The following ZNF839 variants were observed in gnomAD, a reference collection of about 807,000 sequenced individuals.
The protein encoded by ZNF839 is renal carcinoma antigen NY-REN-50.
A neutral mutation model predicts 56.4 loss-of-function variants in ZNF839; 38 were observed. That is an observed-to-expected ratio of 0.67 (90% CI 0.52 to 0.88). The LOEUF is 0.88. Ranked by LOEUF, ZNF839 falls within the 40% of genes least tolerant of loss-of-function variation. ZNF839 has a pLI of 0.00. For synonymous variants in ZNF839, 486 were observed against 493.5 expected (o/e 0.98, Z 0.20); for missense variants, 1,091 against 1,177.6 (o/e 0.93, Z 1.08).
At chr14:102,335,384 A>C in intron 4 of ZNF839, 2 of 284,254 alleles carry the variant, frequency 7.0e-6, no homozygotes, top group Non-Finnish European at 1.3e-5. Flanking sequence ...TCTGGAGCTG[A>C]CAGTCCAGCC....
intron 2 of ZNF839, among the ~76,000 whole-genome samples, chr14:102,330,183 C>T (rs941639625): frequency 6.6e-6 from 1 of 151,856 alleles, no homozygotes; most frequent in African/African-American, 2.4e-5. Flanking sequence ...TCATGTTGTT[C>T]AGTGTTGTAG....
intron 1 of ZNF839, among the ~76,000 whole-genome samples, chr14:102,322,580 T>C (rs1225179323): frequency 2.6e-5 from 4 of 152,218 alleles, no homozygotes; most frequent in Non-Finnish European, 5.9e-5. Flanking sequence ...TGTTTTTGTT[T>C]TGGGGTTTTG....
At chr14:102,340,952 C>A (rs1886439141) in intron 7 of ZNF839, 1 of 156,436 alleles carries the variant, frequency 6.4e-6, no homozygotes. Flanking sequence ...TGCCTGTAAT[C>A]CCAGCTATCA....
chr14:102,340,551 C>T (rs529603506), intron 7 of ZNF839, among the ~76,000 whole-genome samples: 22 of 152,224 alleles, frequency 1.4e-4, no homozygotes, highest in South Asian at 1.2e-3. Flanking sequence ...GGATTACAGG[C>T]GTGAGCAGCC....
At chr14:102,334,840 T>G (rs1202700914) in intron 4 of ZNF839, 194 bp downstream of exon 4, 1 of 239,298 alleles carries the variant, frequency 4.2e-6, no homozygotes, top group African/African-American at 2.3e-5. Flanking sequence ...ACTGCTGGTC[T>G]CTAGCAATCC....
Position 102,326,222 on chromosome 14 carries a change from G to A in ZNF839, c.526G>A (p.Gly176Arg). ...LSDLCQPPAQ[G>R]FVQRPLPALQ... is the part of the protein sequence containing the mutation. ...TGACTTATGCCAACCTCCTGCTCAG[G>A]GGTTTGTACAGAGACCACTGCCAGC... Residue 176 changes from glycine (G) to arginine (R), a missense_variant, in exon 2 of 8, where the codon GGG becomes AGG. Transcript: ENST00000442396. This position sits in a 1 kb window ranked among gnomAD's most constrained non-coding sequence, Gnocchi z 4.3. The A allele has an allele frequency of 6.2e-7, 1 of 1,613,898 alleles. No individual in the cohort carries two copies. The highest frequency in any genetic ancestry group is 8.5e-7 in the Non-Finnish European group (1 of 1,179,866).
chr14:102,319,179 T>TC (rs2072992619), upstream of ZNF839: 3 of 152,376 alleles, frequency 2.0e-5, no homozygotes, highest in South Asian at 6.2e-4. This position sits in a 1 kb window ranked among gnomAD's most constrained non-coding sequence, Gnocchi z 4.5. Flanking sequence ...GCGTGCGTTG[T>TC]GTTCTGGGCA....
intron 1 of ZNF839, among the ~76,000 whole-genome samples, chr14:102,320,805 T>C (rs2073088155): frequency 6.6e-6 from 1 of 152,184 alleles, no homozygotes; most frequent in South Asian, 2.1e-4. Context: ...AGGGGGGTGA[T>C]AACTAGAAGA....
chr14:102,337,891 G>A (rs560474509), intron 5 of ZNF839, among the ~76,000 whole-genome samples: 9 of 152,260 alleles, frequency 5.9e-5, no homozygotes, highest in Middle Eastern at 3.4e-3. Flanking sequence ...TGGTGTTTAC[G>A]TAGGCATTGC....
chr14:102,328,619 CTA>C (rs1402346184), intron 2 of ZNF839, among the ~76,000 whole-genome samples: 1 of 151,766 alleles, frequency 6.6e-6, no homozygotes, highest in Non-Finnish European at 1.5e-5. Context: ...AACAAAAAAA[CTA>C]AAACTCTGTC....
At chr14:102,325,773 G>C (rs1171704692) in intron 1 of ZNF839, among the ~76,000 whole-genome samples, 2 of 152,178 alleles carry the variant, frequency 1.3e-5, no homozygotes, top group East Asian at 3.9e-4. Context: ...GGGATTACAA[G>C]TGTGAGCCAC....
intron 4 of ZNF839, 158 bp from the exon 5 acceptor site, chr14:102,335,531 G>C (rs1006132339): frequency 2.9e-6 from 2 of 694,446 alleles, no homozygotes; most frequent in African/African-American, 3.6e-5. Flanking sequence ...GCACCATGCG[G>C]GGCACACAGT....
Position 102,326,273 on chromosome 14 carries a change from G to A in ZNF839, c.577G>A (p.Val193Ile), listed in dbSNP as rs2073402499. 3 of 1,613,612 alleles carry A rather than the reference G, an allele frequency of 1.9e-6. No individual in the cohort carries two copies. Among genetic ancestry groups the A allele is most frequent in the African/African-American group, 1.3e-5 (1 of 74,904 alleles). The change falls in exon 2 of 8, where the codon GTC becomes ATC. Residue 193 changes from valine to isoleucine, a missense_variant. Coordinates refer to ENST00000442396, the MANE Select transcript of ZNF839 (RefSeq NM_018335.6). The surrounding 1 kb of genome is among the most constrained non-coding windows in gnomAD (Gnocchi z 4.3). ...PALQVVPAKR[V>I]PAPKAPDEQG... ...CCTCCAGGTGGTCCCTGCAAAGAGA[G>A]TCCCAGCCCCCAAGGCTCCAGATGA...
At chr14:102,318,562 G>A (rs1343470416), upstream of ZNF839, among the ~76,000 whole-genome samples, 1 of 151,694 alleles carries the variant, frequency 6.6e-6, no homozygotes, top group East Asian at 1.9e-4. Flanking sequence ...GAACCCAGGC[G>A]ATGGAGGTTG....
chr14:102,340,110 T>C (rs1886343305), intron 7 of ZNF839, among the ~76,000 whole-genome samples: 1 of 151,300 alleles, frequency 6.6e-6, no homozygotes, highest in Admixed American at 6.6e-5. Flanking sequence ...GTAGCTGGGA[T>C]TACAGGCACC....
At position 102,342,054 on chromosome 14, in the gene ZNF839, A is replaced by C. The variant is rs201197821; in HGVS notation, c.2659A>C (p.Lys887Gln). 1.4e-4 allele frequency: 218 copies of C among 1,614,028 alleles called. No homozygotes were observed. In the Admixed American group the frequency reaches 3.6e-3, roughly 26 times the overall value. ...GSHELLSQGQ[K>Q]QIFIQTSDGL... ...CCATGAGTTACTGTCTCAGGGACAGAAGCAGATTTTTATTCAGACTTCCGA... is the reference window on the plus strand; with the variant it reads ...CCATGAGTTACTGTCTCAGGGACAGCAGCAGATTTTTATTCAGACTTCCGA... Residue 887 changes from lysine to glutamine, a missense_variant, in exon 8 of 8, where the codon AAG becomes CAG. Lys to Gln is a moderately conservative substitution (Grantham distance 53). This residue lies in a region of ZNF839 where 431 missense variants were observed against 468.0 expected (regional missense o/e 0.92). Transcript: ENST00000442396.
Position 102,342,113 on chromosome 14 carries a change from G to A in ZNF839, c.2718G>A (p.Val906=). The A allele has an allele frequency of 6.2e-7, 1 of 1,613,960 alleles. No individual in the cohort carries two copies. Among genetic ancestry groups the A allele is most frequent in the African/African-American group, 1.3e-5 (1 of 75,040 alleles). ...TCTTGTCCCCTCCAGGTACAATAGT[G>A]TCTCAGGAGGAGGACATTGTCACAG... ...GLILSPPGTI[V]SQEEDIVTVT... is the part of the protein sequence containing the mutation. The change falls in exon 8 of 8, where the codon GTG becomes GTA. Residue 906 remains valine, a synonymous_variant. Coordinates refer to ENST00000442396, the MANE Select transcript of ZNF839 (RefSeq NM_018335.6).
chr14:102,337,377 C>T (rs1354466394), intron 5 of ZNF839: 1 of 152,092 alleles, frequency 6.6e-6, no homozygotes, highest in African/African-American at 2.4e-5. Context: ...CCGTATTGGC[C>T]AGGCTGGTCT....
chr14:102,336,798 A>G (rs1266736752), intron 5 of ZNF839: 4 of 285,120 alleles, frequency 1.4e-5, no homozygotes, highest in Non-Finnish European at 2.7e-5. Flanking sequence ...CAGTGGCACA[A>G]TCACAGCTCA....
Sources: gnomAD v4.1 joint callset for allele counts (sites outside exome capture counted in the v4.1 genomes callset) on GRCh38, gnomAD v4.1.1 for gene constraint, gnomAD v4.1.1 regional missense constraint, Gnocchi (gnomAD v3.1) non-coding constraint, MANE v1.5 for transcripts, NCBI Gene and HGNC (gene_info 2026-07-23, HGNC 2026-07-21) for gene names.